The following DAPP1 variants were observed in gnomAD, a reference collection of about 807,000 sequenced individuals.
DAPP1 encodes the protein dual adaptor of phosphotyrosine and 3-phosphoinositides 1, also known as dual adapter for phosphotyrosine and 3-phosphotyrosine and 3-phosphoinositide.
DAPP1 carries 20 observed loss-of-function variants against 41.5 expected under a neutral mutation model. That is an observed-to-expected ratio of 0.48 (90% CI 0.34 to 0.70). The LOEUF is 0.70. Among genes scored for constraint, DAPP1 ranks in the 30% least tolerant of loss-of-function variants. The pLI, the probability that DAPP1 is intolerant of heterozygous loss-of-function variation, is 0.01. For missense variants in DAPP1, 233 were observed against 333.4 expected (o/e 0.70, Z 2.35); for synonymous variants, 113 against 116.2 (o/e 0.97, Z 0.18).
intron 3 of DAPP1, among the ~76,000 whole-genome samples, chr4:99,847,866 T>C (rs1723719155): frequency 6.6e-6 from 1 of 152,086 alleles, no homozygotes; most frequent in Non-Finnish European, 1.5e-5. Context: ...CAGGCTGGAG[T>C]ACAGTGGCGC....
In DAPP1 at chr4:99,863,973, C is replaced by T. The variant is rs1261166665; in HGVS notation, c.686+118C>T. ...ACAAAGATCAGATATGAGGGGCATG[C>T]CTGCATGTAAGGAGTGTTTTCAGCT... On this transcript the variant is annotated intron_variant, in intron 7 of 8. Coordinates refer to ENST00000512369, the MANE Select transcript of DAPP1 (RefSeq NM_014395.3). 6.0e-6 allele frequency: 4 copies of T among 667,822 alleles called. No homozygotes were observed. In the African/African-American group the frequency reaches 7.6e-5, roughly 13 times the overall value. The allele number at this position is 667,822 out of a possible 1,614,324, so 41.4% of individuals were successfully genotyped here.
intron 1 of DAPP1, among the ~76,000 whole-genome samples, chr4:99,826,825 A>G (rs534802027): frequency 1.3e-5 from 2 of 152,290 alleles, no homozygotes; most frequent in African/African-American, 4.8e-5. Context: ...CTCCCGCTCC[A>G]TGAAGTTTTC....
At chr4:99,863,098 C>A in intron 6 of DAPP1, 26 bp downstream of exon 6, 1 of 1,477,792 alleles carries the variant, frequency 6.8e-7, no homozygotes. Context: ...ATATATTTTT[C>A]CTTTAAAAAT....
At chr4:99,847,079 T>G (rs1723690533) in intron 3 of DAPP1, among the ~76,000 whole-genome samples, 1 of 152,210 alleles carries the variant, frequency 6.6e-6, no homozygotes, top group African/African-American at 2.4e-5. Context: ...TTTAATTTAA[T>G]TCAACAAAAT....
chr4:99,852,031 A>G (rs541832986), intron 3 of DAPP1, among the ~76,000 whole-genome samples: 1 of 151,758 alleles, frequency 6.6e-6, no homozygotes, highest in Non-Finnish European at 1.5e-5. Flanking sequence ...TCCCAACCCT[A>G]CCTTTTCTAT....
Position 99,840,355 on chromosome 4 carries a change from T to C in DAPP1, c.291T>C (p.Asn97=), listed in dbSNP as rs781011074. The C allele has an allele frequency of 1.9e-6, 3 of 1,611,212 alleles. No homozygotes were observed. The highest frequency in any genetic ancestry group is 3.4e-5 in the Admixed American group (2 of 59,528). The part of the protein sequence containing the change: ...YTGYSFKFGF[N]EFSSLKDFVK... ...GATATTCATTTAAATTTGGCTTTAA[T>C]GAATTCTCATCTTTGAAGGATTTTG... The change falls in exon 3 of 9, where the codon AAT becomes AAC. Residue 97 remains asparagine (N), a synonymous_variant. Transcript: ENST00000512369.
intron 2 of DAPP1, among the ~76,000 whole-genome samples, chr4:99,836,960 G>A (rs935469699): frequency 2.0e-5 from 3 of 152,080 alleles, no homozygotes; most frequent in African/African-American, 7.2e-5. Flanking sequence ...TGCTGCCGTA[G>A]AACTGAGGTC....
At chr4:99,820,502 C>T (rs547962152) in intron 1 of DAPP1, among the ~76,000 whole-genome samples, 21 of 152,256 alleles carry the variant, frequency 1.4e-4, no homozygotes, top group Middle Eastern at 3.4e-3. Context: ...ACATAATAAA[C>T]GTTCTCTTTT....
chr4:99,835,797 C>T (rs1383151021), intron 2 of DAPP1, 52 bp downstream of exon 2: 36 of 1,590,644 alleles, frequency 2.3e-5, no homozygotes, highest in Non-Finnish European at 2.7e-5. Flanking sequence ...CTGTCACTTA[C>T]TGACTTTATC....
chr4:99,866,699 G>T, intron 8 of DAPP1: 1 of 686,476 alleles, frequency 1.5e-6, no homozygotes, highest in Non-Finnish European at 2.6e-6. Flanking sequence ...CCAAGAACTT[G>T]TCCTTAAAGC....
At chr4:99,858,984 G>A (rs976417366) in intron 4 of DAPP1, among the ~76,000 whole-genome samples, 1 of 151,608 alleles carries the variant, frequency 6.6e-6, no homozygotes, top group Non-Finnish European at 1.5e-5. Context: ...ATGAAGCCTC[G>A]ACCTCCTGGG....
intron 1 of DAPP1, among the ~76,000 whole-genome samples, chr4:99,821,809 T>C (rs570139934): frequency 5.9e-5 from 9 of 152,346 alleles, no homozygotes; most frequent in Non-Finnish European, 1.0e-4. Flanking sequence ...AAGTTTACTA[T>C]AAAAGACATT....
chr4:99,856,096 C>CT lies in DAPP1; in HGVS notation c.489+2759dup, dbSNP rs915182688. ...TTAATTAATTCATTTATTAAACAAA[C>CT]TTTTTTTTTTTAAAGTGCTTCCAAT... On this transcript the variant is annotated intron_variant, in intron 4 of 8. Transcript: ENST00000512369. Among the ~76,000 whole-genome samples, 122 of 148,402 alleles carry CT rather than the reference C, an allele frequency of 8.2e-4. 1 individual carries two copies. Among genetic ancestry groups the CT allele is most frequent in the African/African-American group, 1.9e-3 (78 of 40,536 alleles).
chr4:99,817,160 T>A, intron 1 of DAPP1, 146 bp downstream of exon 1: 2 of 580,836 alleles, frequency 3.4e-6, no homozygotes, highest in South Asian at 4.7e-5. Flanking sequence ...TTTATTCATT[T>A]GTATCTGTTA....
rs1255806901 is a variant in DAPP1 at position 99,870,190 on chromosome 4, A to G, written c.*2005A>G. On this transcript the variant is annotated 3_prime_UTR_variant, in exon 9 of 9. Coordinates refer to ENST00000512369, the MANE Select transcript of DAPP1 (RefSeq NM_014395.3). ...TTATTTTTAATATTTGTAACTTGAAAGAAATATACAACTGATTAATATCAT... is the reference window on the plus strand; with the variant it reads ...TTATTTTTAATATTTGTAACTTGAAGGAAATATACAACTGATTAATATCAT... 1.3e-5 allele frequency: 2 copies of G among 152,186 alleles called. No homozygotes were observed. The highest frequency in any genetic ancestry group is 2.9e-5 in the Non-Finnish European group (2 of 68,032). 9.4% of individuals were successfully genotyped at this position (152,186 alleles called of 1,614,324 possible). A position where few individuals can be genotyped will look rare whatever the true frequency, so the allele number is the denominator to read the frequency against.
At chr4:99,834,129 A>G (rs1486540133) in intron 1 of DAPP1, among the ~76,000 whole-genome samples, 1 of 152,254 alleles carries the variant, frequency 6.6e-6, no homozygotes, top group Non-Finnish European at 1.5e-5. Flanking sequence ...ATCGTTTAAA[A>G]GAATGTGAAT....
At position 99,859,132 on chromosome 4, in the gene DAPP1, T is replaced by C. The variant is rs1170850569; in HGVS notation, c.490-2446T>C. Among the ~76,000 whole-genome samples, 4 of 152,048 alleles carry C rather than the reference T, an allele frequency of 2.6e-5. No individual in the cohort carries two copies. In the East Asian group the frequency reaches 5.8e-4, roughly 22 times the overall value. ...GGTTTCACCATTTTAACCAGGCTGGTATCGAACTCCTGGGTGCAAGCAATG... is the reference window on the plus strand; with the variant it reads ...GGTTTCACCATTTTAACCAGGCTGGCATCGAACTCCTGGGTGCAAGCAATG... On this transcript the variant is annotated intron_variant, in intron 4 of 8. Coordinates refer to ENST00000512369, the MANE Select transcript of DAPP1 (RefSeq NM_014395.3).
intron 1 of DAPP1, among the ~76,000 whole-genome samples, chr4:99,825,640 T>G (rs952079755): frequency 1.3e-5 from 2 of 152,234 alleles, no homozygotes; most frequent in African/African-American, 4.8e-5. Context: ...GCTGGTTCCA[T>G]CACAGAAACG....
At chr4:99,842,782 C>T (rs1723536991) in intron 3 of DAPP1, among the ~76,000 whole-genome samples, 1 of 152,266 alleles carries the variant, frequency 6.6e-6, no homozygotes, top group East Asian at 1.9e-4. Flanking sequence ...AGTATTGGCT[C>T]CCAGTGATCA....
Sources: gnomAD v4.1 joint callset for allele counts (sites outside exome capture counted in the v4.1 genomes callset) on GRCh38, gnomAD v4.1.1 for gene constraint, MANE v1.5 for transcripts, NCBI Gene and HGNC (gene_info 2026-07-23, HGNC 2026-07-21) for gene names.